The following OR51V1 variants were observed in gnomAD, a reference collection of about 807,000 sequenced individuals.
OR51V1 encodes the protein olfactory receptor family 51 subfamily V member 1.
Under a neutral mutation model 16.3 loss-of-function variants are expected in OR51V1, and 16 were observed. The observed-to-expected ratio is 0.98, with a 90% confidence interval of 0.67 to 1.49. The LOEUF (loss-of-function observed/expected upper bound fraction) is 1.49, where lower values mean the gene tolerates loss of function less well. OR51V1 is among the 40% of genes most tolerant of loss of function. The pLI, the probability that OR51V1 is intolerant of heterozygous loss-of-function variation, is 0.00. For missense variants in OR51V1, 469 were observed against 380.4 expected (o/e 1.23, Z -1.94); for synonymous variants, 189 against 142.2 (o/e 1.33, Z -2.34).
rs753726792 is a variant in OR51V1, at chr11:5,200,026, G to T, written c.657C>A (p.Phe219Leu). ...CTGACTTAAGAATCAGGATGTAGGA[G>T]AAAAGGATGAGTATAGCATCCAACA... ...ILLLDAILIL[F>L]SYILILKSVL... Residue 219 changes from phenylalanine (F) to leucine (L), a missense_variant, in exon 1 of 1, where the codon TTC (phenylalanine) becomes TTA (leucine). Coordinates refer to ENST00000641270, the MANE Select transcript of OR51V1 (RefSeq NM_001004760.3). The T allele has an allele frequency of 3.1e-6, 5 of 1,613,514 alleles. No individual in the cohort carries two copies. Among genetic ancestry groups the T allele is most frequent in the African/African-American group, 2.7e-5 (2 of 74,846 alleles).
Position 5,200,121 on chromosome 11 carries a change from G to A in OR51V1, c.562C>T (p.Leu188Phe). Reference sequence around the variant, plus strand: ...CGGATGTCTGAACAGGCTAAGCGGAGAAGATCCTGGTGCAGGCAGAAAGAG... The same window carrying A: ...CGGATGTCTGAACAGGCTAAGCGGAAAAGATCCTGGTGCAGGCAGAAAGAG... Reference protein sequence around the residue: ...SHSFCLHQDLLRLACSDIRFN... With the variant: ...SHSFCLHQDLFRLACSDIRFN... The change falls in exon 1 of 1, where the codon CTC (leucine) becomes TTC (phenylalanine). Residue 188 changes from leucine (L) to phenylalanine (F), a missense_variant. Leu to Phe is a conservative substitution (Grantham distance 22). Transcript: ENST00000641270. 1 of 1,613,814 alleles carries A rather than the reference G, an allele frequency of 6.2e-7. No homozygotes were observed. Among genetic ancestry groups the A allele is most frequent in the Non-Finnish European group, 8.5e-7 (1 of 1,179,752 alleles).
chr11:5,199,839 T>C lies in OR51V1; in HGVS notation c.844A>G (p.Ile282Val), dbSNP rs1398812887. The C allele has an allele frequency of 4.3e-6, 7 of 1,614,034 alleles. No individual in the cohort carries two copies. The African/African-American group carries it at 5.3e-5, about 12-fold the overall frequency. Residue 282 changes from isoleucine to valine, a missense_variant, in exon 1 of 1, where the codon ATC becomes GTC. Physicochemically the swap from Ile to Val is conservative, Grantham distance 29. Transcript: ENST00000641270. ...SPVAHVLIGN[I>V]YILFPPLMNP... is the part of the protein sequence containing the mutation. ...ATTAAAGGTGGGAAAAGGATGTAGA[T>C]GTTGCCAATGAGAACGTGGGCCACG...
At position 5,200,457 on chromosome 11, in the gene OR51V1, T is replaced by G. The variant is rs745714522; in HGVS notation, c.226A>C (p.Met76Leu). The G allele has an allele frequency of 3.7e-5, 60 of 1,613,656 alleles. No homozygotes were observed. Among genetic ancestry groups the G allele is most frequent in the Non-Finnish European group, 5.0e-5 (59 of 1,179,972 alleles). ...LSMLALTDLCMGLSTVYTVLG... is the reference protein window; with the variant it reads ...LSMLALTDLCLGLSTVYTVLG... ...ACTGTGTACACAGTGGACAGCCCCA[T>G]GCACAGGTCAGTGAGGGCCAGCATG... Residue 76 changes from methionine (M) to leucine (L), a missense_variant, in exon 1 of 1, where the codon ATG becomes CTG. Transcript: ENST00000641270.
rs1847193252 is a variant in OR51V1 at position 5,200,212 on chromosome 11, G to GA, written c.470dup (p.Phe158LeufsTer13). The GA allele has an allele frequency of 1.3e-6, 2 of 1,594,216 alleles. No homozygotes were observed. Among genetic ancestry groups the GA allele is most frequent in the Middle Eastern group, 1.7e-4 (1 of 6,012 alleles). ...GACAGATGATGGGGGGTGTAATAAA[G>GA]AAAAAACTCCTACCTATTATAGTGA... On this transcript the variant is annotated frameshift_variant, in exon 1 of 1. Coordinates refer to ENST00000641270, the MANE Select transcript of OR51V1 (RefSeq NM_001004760.3). LOFTEE classifies it high-confidence loss of function.
In OR51V1 at chr11:5,200,099, A is replaced by G; in HGVS notation, c.584T>C (p.Ile195Thr). ...CAGGGCATAGTAACTATTGAATCGG[A>G]TGTCTGAACAGGCTAAGCGGAGAAG... The part of the protein sequence containing the change: ...QDLLRLACSD[I>T]RFNSYYALML... Residue 195 changes from isoleucine to threonine, a missense_variant, in exon 1 of 1, where the codon ATC becomes ACC. By Grantham distance (89) the Ile-to-Thr change is moderately conservative. Transcript: ENST00000641270. The G allele has an allele frequency of 2.5e-6, 4 of 1,613,102 alleles. No homozygotes were observed. The highest frequency in any genetic ancestry group is 3.4e-6 in the Non-Finnish European group (4 of 1,179,772).
chr11:5,199,786 G>T lies in OR51V1; in HGVS notation c.897C>A (p.Thr299=). The T allele has an allele frequency of 1.2e-6, 2 of 1,613,226 alleles. No individual in the cohort carries two copies. The highest frequency in any genetic ancestry group is 1.1e-5 in the South Asian group (1 of 91,020). The change falls in exon 1 of 1, where the codon ACC becomes ACA. Residue 299 remains threonine, a synonymous_variant. Coordinates refer to ENST00000641270, the MANE Select transcript of OR51V1 (RefSeq NM_001004760.3). The part of the protein sequence containing the change: ...LMNPIIYSVK[T]QQIHTRMLRL... ...TAAGCATTCTGGTATGAATCTGTTG[G>T]GTCTTGACACTGTAGATGATGGGAT...
In OR51V1 at chr11:5,199,969, A is replaced by G. The variant is rs780305214; in HGVS notation, c.714T>C (p.His238=). 3.1e-6 allele frequency: 5 copies of G among 1,613,958 alleles called. No homozygotes were observed. Among genetic ancestry groups the G allele is most frequent in the Admixed American group, 3.3e-5 (2 of 59,998 alleles). The change falls in exon 1 of 1, where the codon CAT becomes CAC. Residue 238 remains histidine (H), a synonymous_variant. Transcript: ENST00000641270. ...VLAVASQEER[H]KLFQTCISHI... ...GGGAGATGCAGGTCTGAAATAATTT[A>G]TGCCTCTCTTCCTGAGAGGCAACTG...
rs376529369 is a variant in OR51V1, at chr11:5,199,872, G to T, written c.811C>A (p.Leu271Ile). 46 of 1,613,996 alleles carry T rather than the reference G, an allele frequency of 2.9e-5. No homozygotes were observed. Among genetic ancestry groups the T allele is most frequent in the Non-Finnish European group, 3.7e-5 (44 of 1,180,028 alleles). The part of the protein sequence containing the change: ...LTMVHRFGKH[L>I]SPVAHVLIGN... Reference sequence around the variant, plus strand: ...ATGAGAACGTGGGCCACGGGGGAAAGGTGCTTGCCAAAACGGTGCACCATT... The same window carrying T: ...ATGAGAACGTGGGCCACGGGGGAAATGTGCTTGCCAAAACGGTGCACCATT... The change falls in exon 1 of 1, where the codon CTT becomes ATT. Residue 271 changes from leucine (L) to isoleucine (I), a missense_variant. Coordinates refer to ENST00000641270, the MANE Select transcript of OR51V1 (RefSeq NM_001004760.3).
rs1847200345 is a variant in OR51V1 at position 5,200,537 on chromosome 11, A to G, written c.146T>C (p.Leu49Pro). 6.2e-7 allele frequency: 1 copy of G among 1,613,678 alleles called. No individual in the cohort carries two copies. The highest frequency in any genetic ancestry group is 1.7e-5 in the Admixed American group (1 of 60,000). ...AMVLLGNCMVLHVIWTEPSLH... is the reference protein window; with the variant it reads ...AMVLLGNCMVPHVIWTEPSLH... ...GCTTGGCTCAGTCCATATCACATGGAGAACCATGCAATTGCCCAAAAGCAC... is the reference window on the plus strand; with the variant it reads ...GCTTGGCTCAGTCCATATCACATGGGGAACCATGCAATTGCCCAAAAGCAC... The change falls in exon 1 of 1, where the codon CTC (leucine) becomes CCC (proline). Residue 49 changes from leucine (L) to proline (P), a missense_variant. Coordinates refer to ENST00000641270, the MANE Select transcript of OR51V1 (RefSeq NM_001004760.3).
In OR51V1 at chr11:5,200,306, T is replaced by A; in HGVS notation, c.377A>T (p.Tyr126Phe). The A allele has an allele frequency of 6.2e-7, 1 of 1,613,858 alleles. No individual in the cohort carries two copies. Among genetic ancestry groups the A allele is most frequent in the Non-Finnish European group, 8.5e-7 (1 of 1,179,798 alleles). ...ACGTAGTGGATTGCAAATTGCAATG[T>A]ACCGGTCAAAGGCCATAGTGAGGAG... ...SVLLTMAFDRYIAICNPLRYS... is the reference protein window; with the variant it reads ...SVLLTMAFDRFIAICNPLRYS... Residue 126 changes from tyrosine to phenylalanine, a missense_variant, in exon 1 of 1, where the codon TAC becomes TTC. By Grantham distance (22) the Tyr-to-Phe change is conservative. Transcript: ENST00000641270.
At position 5,200,454 on chromosome 11, in the gene OR51V1, C is replaced by A. The variant is rs376433007; in HGVS notation, c.229G>T (p.Gly77Trp). The A allele has an allele frequency of 4.3e-6, 7 of 1,613,842 alleles. No homozygotes were observed. In the Admixed American group the frequency reaches 5.0e-5, roughly 12 times the overall value. Residue 77 changes from glycine (G) to tryptophan (W), a missense_variant, in exon 1 of 1, where the codon GGG (glycine) becomes TGG (tryptophan). By Grantham distance (184) the Gly-to-Trp change is radical. Coordinates refer to ENST00000641270, the MANE Select transcript of OR51V1 (RefSeq NM_001004760.3). ...AGCACTGTGTACACAGTGGACAGCCCCATGCACAGGTCAGTGAGGGCCAGC... is the reference window on the plus strand; with the variant it reads ...AGCACTGTGTACACAGTGGACAGCCACATGCACAGGTCAGTGAGGGCCAGC... Reference protein sequence around the residue: ...SMLALTDLCMGLSTVYTVLGI... With the variant: ...SMLALTDLCMWLSTVYTVLGI...
Position 5,200,220 on chromosome 11 carries a change from T to C in OR51V1, c.463A>G (p.Ser155Gly), listed in dbSNP as rs1276069618. Residue 155 changes from serine to glycine, a missense_variant, in exon 1 of 1, where the codon AGT becomes GGT. Ser to Gly is a moderately conservative substitution (Grantham distance 56). Coordinates refer to ENST00000641270, the MANE Select transcript of OR51V1 (RefSeq NM_001004760.3). ...IKIGLTIIGRSFFFITPPIIC... is the reference protein window; with the variant it reads ...IKIGLTIIGRGFFFITPPIIC... ...ATGGGGGGTGTAATAAAGAAAAAACTCCTACCTATTATAGTGAGCCCAATT... is the reference window on the plus strand; with the variant it reads ...ATGGGGGGTGTAATAAAGAAAAAACCCCTACCTATTATAGTGAGCCCAATT... 1 of 1,613,142 alleles carries C rather than the reference T, an allele frequency of 6.2e-7. No individual in the cohort carries two copies. Among genetic ancestry groups the C allele is most frequent in the Non-Finnish European group, 8.5e-7 (1 of 1,179,832 alleles).
chr11:5,200,486 A>G lies in OR51V1; in HGVS notation c.197T>C (p.Leu66Pro). The G allele has an allele frequency of 6.2e-7, 1 of 1,613,910 alleles. No individual in the cohort carries two copies. Among genetic ancestry groups the G allele is most frequent in the Non-Finnish European group, 8.5e-7 (1 of 1,179,938 alleles). Residue 66 changes from leucine to proline, a missense_variant, in exon 1 of 1, where the codon CTG becomes CCG. By Grantham distance (98) the Leu-to-Pro change is moderately conservative. Transcript: ENST00000641270. ...CAGGTCAGTGAGGGCCAGCATGGAC[A>G]GGAAGTAAAACATAGGCTGGTGCAG... ...PSLHQPMFYF[L>P]SMLALTDLCM...
chr11:5,200,645 G>A lies in OR51V1; in HGVS notation c.38C>T (p.Ser13Phe). The change falls in exon 1 of 1, where the codon TCT (serine) becomes TTT (phenylalanine). Residue 13 changes from serine to phenylalanine, a missense_variant. Transcript: ENST00000641270. ...AGAAAATCCAGTGAGAAGAAAGGAA[G>A]AATTCGTGCTGGTGCTAGGGCTTAC... ...TSVSPSTSTN[S>F]SFLLTGFSGM... is the part of the protein sequence containing the mutation. The A allele has an allele frequency of 6.2e-7, 1 of 1,611,042 alleles. No individual in the cohort carries two copies. The highest frequency in any genetic ancestry group is 8.5e-7 in the Non-Finnish European group (1 of 1,177,606).
In OR51V1 at chr11:5,200,053, CAG is replaced by C. The variant is rs1384762175; in HGVS notation, c.628_629del (p.Leu210ValfsTer16). 2 of 1,612,164 alleles carry C rather than the reference CAG, an allele frequency of 1.2e-6. No individual in the cohort carries two copies. The highest frequency in any genetic ancestry group is 2.2e-5 in the South Asian group (2 of 91,028). ...YYALMLVICILLLDAILILFS... is the reference protein window; with the variant it reads ...YYALMLVICIXLLDAILILFS... Reference sequence around the variant, plus strand: ...AAAGGATGAGTATAGCATCCAACAACAGTATGCAAATAACCAGCATCAGGGCA... The same window carrying C: ...AAAGGATGAGTATAGCATCCAACAACTATGCAAATAACCAGCATCAGGGCA... On this transcript the variant is annotated frameshift_variant, in exon 1 of 1. Coordinates refer to ENST00000641270, the MANE Select transcript of OR51V1 (RefSeq NM_001004760.3). LOFTEE classifies it high-confidence loss of function.
Position 5,200,433 on chromosome 11 carries a change from CTG to C in OR51V1, c.248_249del (p.Thr83SerfsTer41). 1 of 1,614,030 alleles carries C rather than the reference CTG, an allele frequency of 6.2e-7. No homozygotes were observed. Among genetic ancestry groups the C allele is most frequent in the Non-Finnish European group, 8.5e-7 (1 of 1,180,000 alleles). On this transcript the variant is annotated frameshift_variant, in exon 1 of 1. Transcript: ENST00000641270. LOFTEE classifies it high-confidence loss of function. ...DLCMGLSTVY[T>X]VLGILWGIIR... The stretch of plus-strand genomic sequence containing the variant: ...ATGATCCCCCACAGGATCCCCAGCA[CTG>C]TGTACACAGTGGACAGCCCCATGCA...
rs573294390 is a variant in OR51V1, at chr11:5,200,196, TG to T, written c.486del (p.Ile163SerfsTer4). 3.7e-5 allele frequency: 59 copies of T among 1,612,630 alleles called. No individual in the cohort carries two copies. In the African/African-American group the frequency reaches 4.7e-4, roughly 13 times the overall value. ...IGRSFFFITP[P>X]IICLKFFNYC... ...TAATTAAAAAATTTCAGACAGATGATGGGGGGTGTAATAAAGAAAAAACTCC... is the reference window on the plus strand; with the variant it reads ...TAATTAAAAAATTTCAGACAGATGATGGGGGTGTAATAAAGAAAAAACTCC... On this transcript the variant is annotated frameshift_variant, in exon 1 of 1. Coordinates refer to ENST00000641270, the MANE Select transcript of OR51V1 (RefSeq NM_001004760.3). LOFTEE classifies it high-confidence loss of function.
At position 5,200,333 on chromosome 11, in the gene OR51V1, A is replaced by T; in HGVS notation, c.350T>A (p.Val117Asp). 1 of 1,614,032 alleles carries T rather than the reference A, an allele frequency of 6.2e-7. No individual in the cohort carries two copies. Among genetic ancestry groups the T allele is most frequent in the Non-Finnish European group, 8.5e-7 (1 of 1,179,940 alleles). Residue 117 changes from valine to aspartate, a missense_variant, in exon 1 of 1, where the codon GTC (valine) becomes GAC (aspartate). Coordinates refer to ENST00000641270, the MANE Select transcript of OR51V1 (RefSeq NM_001004760.3). The stretch of plus-strand genomic sequence containing the variant: ...CCGGTCAAAGGCCATAGTGAGGAGG[A>T]CAGAGGACTCCATGAAGGACAGACC... ...IHGLSFMESSVLLTMAFDRYI... is the reference protein window; with the variant it reads ...IHGLSFMESSDLLTMAFDRYI...
In OR51V1 at chr11:5,200,240, C is replaced by G; in HGVS notation, c.443G>C (p.Gly148Ala). The change falls in exon 1 of 1, where the codon GGG (glycine) becomes GCG (alanine). Residue 148 changes from glycine (G) to alanine (A), a missense_variant. Physicochemically the swap from Gly to Ala is moderately conservative, Grantham distance 60 (BLOSUM62 0). Coordinates refer to ENST00000641270, the MANE Select transcript of OR51V1 (RefSeq NM_001004760.3). Reference sequence around the variant, plus strand: ...AAAACTCCTACCTATTATAGTGAGCCCAATTTTGATAATTCTGGAATTAGT... The same window carrying G: ...AAAACTCCTACCTATTATAGTGAGCGCAATTTTGATAATTCTGGAATTAGT... ...ILTNSRIIKIGLTIIGRSFFF... is the reference protein window; with the variant it reads ...ILTNSRIIKIALTIIGRSFFF... 1 of 1,613,766 alleles carries G rather than the reference C, an allele frequency of 6.2e-7. No individual in the cohort carries two copies. The highest frequency in any genetic ancestry group is 2.2e-5 in the East Asian group (1 of 44,864).
Sources: gnomAD v4.1 joint callset for allele counts on GRCh38, gnomAD v4.1.1 for gene constraint, MANE v1.5 for transcripts, NCBI Gene and HGNC (gene_info 2026-07-23, HGNC 2026-07-21) for gene names.